The following CSMD1 variants were observed in gnomAD, a reference collection of about 807,000 sequenced individuals.
The protein encoded by CSMD1 is CUB and sushi domain-containing protein 1.
A neutral mutation model predicts 417.5 loss-of-function variants in CSMD1; 213 were observed. The observed-to-expected ratio is 0.51, with a 90% CI of 0.46 to 0.57. The LOEUF is 0.57. CSMD1 is among the 20% of genes least tolerant of loss of function. The pLI, the probability that CSMD1 is intolerant of heterozygous loss-of-function variation, is 0.00. For synonymous variants in CSMD1, 2,862 were observed against 1,736.8 expected, an observed-to-expected ratio of 1.65 and a Z score of -16.11; for missense variants, 6,923 against 4,529.7, an observed-to-expected ratio of 1.53 and a Z score of -15.17.
chr8:3,629,436 A>G (rs1796664273), intron 7 of CSMD1, among the ~76,000 whole-genome samples: 2 of 152,332 alleles, frequency 1.3e-5, no homozygotes, highest in South Asian at 2.1e-4. Context: ...CCCTTAAAAT[A>G]TCAACCATAC....
At chr8:4,181,543 G>C (rs937013215) in intron 3 of CSMD1, among the ~76,000 whole-genome samples, 1 of 152,074 alleles carries the variant, frequency 6.6e-6, no homozygotes, top group African/African-American at 2.4e-5. Context: ...GAAAGTTTAT[G>C]AATTTGTGTT....
chr8:4,048,097 A>G (rs1223674000), intron 3 of CSMD1, among the ~76,000 whole-genome samples: 1 of 152,182 alleles, frequency 6.6e-6, no homozygotes, highest in Admixed American at 6.5e-5. Flanking sequence ...TAAGTATCTC[A>G]GGGTAGACCC....
At chr8:4,933,686 G>T (rs1437614064) in intron 1 of CSMD1, among the ~76,000 whole-genome samples, 1 of 152,196 alleles carries the variant, frequency 6.6e-6, no homozygotes, top group Non-Finnish European at 1.5e-5. Context: ...AGGAAGGAAA[G>T]ATAAATGGAT....
At chr8:4,431,715 G>C (rs1403450538) in intron 2 of CSMD1, among the ~76,000 whole-genome samples, 1 of 152,156 alleles carries the variant, frequency 6.6e-6, no homozygotes, top group East Asian at 1.9e-4. Flanking sequence ...GCAGAATTAA[G>C]ACAATGGAAT....
intron 27 of CSMD1, among the ~76,000 whole-genome samples, chr8:3,226,095 T>C (rs1360267996): frequency 6.6e-6 from 1 of 152,212 alleles, no homozygotes; most frequent in Non-Finnish European, 1.5e-5. Context: ...ATTTGAATGT[T>C]CACACCGTTG....
chr8:4,244,722 C>G (rs546662739), intron 3 of CSMD1, among the ~76,000 whole-genome samples: 1 of 152,010 alleles, frequency 6.6e-6, no homozygotes, highest in African/African-American at 2.4e-5. Context: ...ACTCAGTTAC[C>G]TCAATGGAAT....
At chr8:4,553,674 C>T (rs1050440545) in intron 2 of CSMD1, among the ~76,000 whole-genome samples, 7 of 152,176 alleles carry the variant, frequency 4.6e-5, no homozygotes, top group African/African-American at 1.4e-4. Flanking sequence ...ATCTTCAGCA[C>T]ATTTCCCACT....
At chr8:3,796,492 TATAG>T (rs1390566016) in intron 5 of CSMD1, among the ~76,000 whole-genome samples, 11 of 143,620 alleles carry the variant, frequency 7.7e-5, no homozygotes, top group East Asian at 2.1e-4. Context: ...ATCTATCATG[TATAG>T]ATATAGATAT....
chr8:4,195,662 G>C (rs1485606719), intron 3 of CSMD1, among the ~76,000 whole-genome samples: 1 of 152,184 alleles, frequency 6.6e-6, no homozygotes, highest in African/African-American at 2.4e-5. Context: ...TTCTAGGCAT[G>C]ATGAAGCAGA....
chr8:4,969,722 T>A (rs915740618), intron 1 of CSMD1, among the ~76,000 whole-genome samples: 1 of 152,070 alleles, frequency 6.6e-6, no homozygotes, highest in African/African-American at 2.4e-5. Flanking sequence ...GGCTTTCTCT[T>A]CCACACTATT....
intron 1 of CSMD1, among the ~76,000 whole-genome samples, chr8:4,785,457 C>G: frequency 6.6e-6 from 1 of 152,052 alleles, no homozygotes; most frequent in East Asian, 1.9e-4. Flanking sequence ...TCATGCAGCC[C>G]TTTGCTAAGC....
At chr8:4,737,970 G>A (rs1403958929) in intron 1 of CSMD1, among the ~76,000 whole-genome samples, 1 of 152,192 alleles carries the variant, frequency 6.6e-6, no homozygotes, top group Non-Finnish European at 1.5e-5. Context: ...GTAACAGCCT[G>A]CCATTGAAGC....
intron 28 of CSMD1, among the ~76,000 whole-genome samples, chr8:3,219,663 C>A (rs1798088823): frequency 6.6e-6 from 1 of 152,098 alleles, no homozygotes; most frequent in Non-Finnish European, 1.5e-5. Flanking sequence ...TAATTACCAT[C>A]ATGTTCAATA....
chr8:3,312,803 G>C (rs921753320), intron 23 of CSMD1, among the ~76,000 whole-genome samples: 6 of 117,764 alleles, frequency 5.1e-5, no homozygotes, highest in African/African-American at 1.7e-4. Context: ...GGTTCTCAAA[G>C]GCAGTTAGAC....
At chr8:3,710,025 G>A (rs796362530) in intron 6 of CSMD1, among the ~76,000 whole-genome samples, 1 of 151,776 alleles carries the variant, frequency 6.6e-6, no homozygotes, top group South Asian at 2.1e-4. Context: ...AATGAAAATA[G>A]CCCACTCTTG....
intron 23 of CSMD1, among the ~76,000 whole-genome samples, chr8:3,342,620 G>C (rs76321311): frequency 0.11 from 16,908 of 152,036 alleles, 1,269 homozygotes; most frequent in African/African-American, 0.21. Context: ...TTATTTCCCT[G>C]TTCTTTTGGC....
chr8:3,536,907 T>C lies in CSMD1; in HGVS notation c.1344+38038A>G, dbSNP rs563712059. Among the ~76,000 whole-genome samples, 137 of 152,338 alleles carry C rather than the reference T, an allele frequency of 9.0e-4. 1 individual carries two copies. The highest frequency in any genetic ancestry group is 3.2e-3 in the African/African-American group (133 of 41,572). On this transcript the variant is annotated intron_variant, in intron 10 of 69. Transcript: ENST00000635120. ...AAATTAAATCTAGTTTAGAAGGATT[T>C]ATTGTACGATTGCCCTAGTCGTCAG...
At chr8:3,888,545 T>G (rs188749021) in intron 5 of CSMD1, among the ~76,000 whole-genome samples, 13 of 152,316 alleles carry the variant, frequency 8.5e-5, no homozygotes, top group African/African-American at 2.4e-4. Flanking sequence ...TTGTCATGCC[T>G]CTTGTATCAA....
In CSMD1 at chr8:3,504,933, T is replaced by C. The variant is rs75449817; in HGVS notation, c.1345-11207A>G. ...AAAATGCCAGTGAAATGGGCAGAGA[T>C]AGAAAATGCTTAAGCACAACAACAA... On this transcript the variant is annotated intron_variant, in intron 10 of 69. Transcript: ENST00000635120. Among the ~76,000 whole-genome samples, 1,001 of 151,664 alleles carry C rather than the reference T, an allele frequency of 6.6e-3. 13 individuals carry two copies. The highest frequency in any genetic ancestry group is 0.023 in the African/African-American group (947 of 41,330).
Sources: allele counts gnomAD v4.1 joint callset (sites outside exome capture counted in the v4.1 genomes callset), GRCh38; gene constraint gnomAD v4.1.1; transcripts MANE v1.5; gene names NCBI Gene and HGNC (gene_info 2026-07-23, HGNC 2026-07-21).